Variants in PDPR observed in about 807,000 individuals in gnomAD.
PDPR encodes pyruvate dehydrogenase phosphatase regulatory subunit.
In PDPR, 50 loss-of-function variants were observed where a neutral mutation model predicts 102.2. That is an observed-to-expected ratio of 0.49 (90% CI 0.39 to 0.62). PDPR has a LOEUF of 0.62. Ranked by LOEUF, PDPR falls within the 20% of genes least tolerant of loss-of-function variation. The pLI, the probability that PDPR is intolerant of heterozygous loss-of-function variation, is 0.00. For synonymous variants in PDPR, 259 were observed against 406.0 expected, an observed-to-expected ratio of 0.64 and a Z score of 4.35; for missense variants, 625 against 1,098.2, an observed-to-expected ratio of 0.57 and a Z score of 6.09.
At chr16:70,138,436 C>A (rs1262635973) in intron 10 of PDPR, among the ~76,000 whole-genome samples, 3 of 152,192 alleles carry the variant, frequency 2.0e-5, no homozygotes, top group African/African-American at 4.8e-5. Flanking sequence ...AGGCTTGTTT[C>A]GAACTCCTGA....
In PDPR at chr16:70,124,309, G is replaced by A. The variant is rs182910892; in HGVS notation, c.228-2951G>A. Among the ~76,000 whole-genome samples the A allele has an allele frequency of 7.3e-3, 1,104 of 151,996 alleles. 1 individual carries two copies. Among genetic ancestry groups the A allele is most frequent in the Middle Eastern group, 0.014 (4 of 292 alleles). On this transcript the variant is annotated intron_variant, in intron 3 of 18. Coordinates refer to ENST00000288050, the MANE Select transcript of PDPR (RefSeq NM_017990.5). ...ACCTGGGAGGCAGAGATTGCAGTGA[G>A]CCAAGTTTGTGCCACTGCCCTCCAG...
chr16:70,133,663 C>CT (rs1453402650), intron 9 of PDPR, among the ~76,000 whole-genome samples: 1 of 152,294 alleles, frequency 6.6e-6, no homozygotes, highest in Non-Finnish European at 1.5e-5. Flanking sequence ...AGTGATCTGC[C>CT]TGCCTTGGTC....
At chr16:70,126,634 A>G (rs747137628) in intron 3 of PDPR, among the ~76,000 whole-genome samples, 328 of 152,274 alleles carry the variant, frequency 2.2e-3, no homozygotes, top group Non-Finnish European at 4.1e-3. Context: ...AAGTGCTGGG[A>G]TTACAGGCGT....
chr16:70,147,874 C>A (rs564648906), intron 16 of PDPR, among the ~76,000 whole-genome samples: 7 of 152,358 alleles, frequency 4.6e-5, no homozygotes, highest in Admixed American at 2.0e-4. Context: ...AGTGCTGCAT[C>A]CTGTCAGCCT....
intron 2 of PDPR, among the ~76,000 whole-genome samples, chr16:70,118,540 A>G (rs1962890827): frequency 6.6e-6 from 1 of 152,250 alleles, no homozygotes; most frequent in South Asian, 2.1e-4. Context: ...GGGGCTGGCC[A>G]TTTGGCAGCA....
At chr16:70,131,500 A>T in intron 8 of PDPR, 81 bp downstream of exon 8, 1 of 1,356,752 alleles carries the variant, frequency 7.4e-7, no homozygotes, top group Non-Finnish European at 1.0e-6. Context: ...TCTGCTAAGG[A>T]CAGCCTGTGT....
At chr16:70,151,277 C>T (rs1966719581) in intron 17 of PDPR, among the ~76,000 whole-genome samples, 1 of 152,218 alleles carries the variant, frequency 6.6e-6, no homozygotes, top group Non-Finnish European at 1.5e-5. Flanking sequence ...AATATGTTGC[C>T]CAGGCTGGAC....
intron 10 of PDPR, among the ~76,000 whole-genome samples, chr16:70,137,361 AAATAAT>A (rs1056339435): frequency 1.3e-5 from 2 of 152,236 alleles, no homozygotes; most frequent in Non-Finnish European, 2.9e-5. Context: ...ATCTCAATAA[AAATAAT>A]AATAATAAAA....
rs560265541 is a variant in PDPR at position 70,120,925 on chromosome 16, G to A, written c.227+206G>A. Reference sequence around the variant, plus strand: ...GGTTTTTAGAGAGTTGGCAAATTTCGTTTTCCTTTTTTTTTTTTTTTTTTT... The same window carrying A: ...GGTTTTTAGAGAGTTGGCAAATTTCATTTTCCTTTTTTTTTTTTTTTTTTT... On this transcript the variant is annotated intron_variant, in intron 3 of 18. Transcript: ENST00000288050. Among the ~76,000 whole-genome samples the A allele has an allele frequency of 4.0e-4, 54 of 136,590 alleles. No individual in the cohort carries two copies. The South Asian group carries it at 0.011, about 27-fold the overall frequency. The allele number at this position is 136,590 out of a possible 152,430, so 89.6% of individuals were successfully genotyped here.
intron 3 of PDPR, among the ~76,000 whole-genome samples, chr16:70,122,071 C>G (rs1963362358): frequency 6.6e-6 from 1 of 152,238 alleles, no homozygotes; most frequent in Non-Finnish European, 1.5e-5. Context: ...ACTGCAACCT[C>G]CGCCTCCTGG....
At chr16:70,122,258 A>G (rs1963395346) in intron 3 of PDPR, among the ~76,000 whole-genome samples, 1 of 152,260 alleles carries the variant, frequency 6.6e-6, no homozygotes, top group South Asian at 2.1e-4. Context: ...AAGTACTGGG[A>G]TTACAGGCGC....
intron 17 of PDPR, 174 bp downstream of exon 17, chr16:70,148,727 A>G (rs2152114220): frequency 3.1e-6 from 2 of 640,938 alleles, no homozygotes; most frequent in Non-Finnish European, 5.6e-6. Context: ...TGCATTGAAG[A>G]GATTTGACCA....
At chr16:70,126,609 C>T (rs1422850480) in intron 3 of PDPR, among the ~76,000 whole-genome samples, 1 of 152,262 alleles carries the variant, frequency 6.6e-6, no homozygotes, top group Non-Finnish European at 1.5e-5. Flanking sequence ...GTGATCCGCC[C>T]ACCTCAGCCT....
chr16:70,126,456 C>T (rs374908761), intron 3 of PDPR, among the ~76,000 whole-genome samples: 273 of 152,320 alleles, frequency 1.8e-3, no homozygotes, highest in African/African-American at 5.4e-3. Flanking sequence ...CTCCACCTCC[C>T]GGGTTCATGC....
At chr16:70,163,314 C>CT (rs1967938465), downstream of PDPR, among the ~76,000 whole-genome samples, 1 of 151,602 alleles carries the variant, frequency 6.6e-6, no homozygotes, top group South Asian at 2.1e-4. Context: ...CATAGGTTAA[C>CT]ATGTTTACAA....
At chr16:70,139,544 T>C (rs1297592286) in intron 11 of PDPR, among the ~76,000 whole-genome samples, 2 of 152,278 alleles carry the variant, frequency 1.3e-5, no homozygotes, top group African/African-American at 4.8e-5. Context: ...AGCAGCAAGA[T>C]TGGGAGCCAC....
At chr16:70,154,322 C>T (rs956286988) in intron 18 of PDPR, among the ~76,000 whole-genome samples, 13 of 152,330 alleles carry the variant, frequency 8.5e-5, no homozygotes, top group Admixed American at 2.6e-4. Flanking sequence ...GGCAAGACTC[C>T]GTCTCAGAAA....
intron 3 of PDPR, among the ~76,000 whole-genome samples, chr16:70,122,868 C>CACACACACACA (rs1555520799): frequency 6.7e-6 from 1 of 149,824 alleles, no homozygotes; most frequent in African/African-American, 2.5e-5. Context: ...CACACACACA[C>CACACACACACA]CAGTTTAGAC....
chr16:70,153,293 T>C (rs1406824157), intron 17 of PDPR, 98 bp from the exon 18 acceptor site: 2 of 1,292,662 alleles, frequency 1.5e-6, no homozygotes, highest in African/African-American at 1.5e-5. Context: ...CCTCCTCTCT[T>C]GTCCATGTTA....
Sources: allele counts gnomAD v4.1 joint callset (sites outside exome capture counted in the v4.1 genomes callset), GRCh38; gene constraint gnomAD v4.1.1; transcripts MANE v1.5; gene names NCBI Gene and HGNC (gene_info 2026-07-23, HGNC 2026-07-21).